FAR2: variants seen among roughly 807,000 people sequenced by gnomAD.
The protein encoded by FAR2 is fatty acyl-CoA reductase 2.
Under a neutral mutation model 56.0 loss-of-function variants are expected in FAR2, and 19 were observed. The ratio of observed to expected loss-of-function variants is 0.34; its 90% CI spans 0.24 to 0.50. The LOEUF is 0.50. Among genes scored for constraint, FAR2 ranks in the 20% least tolerant of loss-of-function variants. FAR2 has a pLI of 0.98. For synonymous variants in FAR2, 219 were observed against 218.8 expected (o/e 1.00, Z -0.01); for missense variants, 508 against 642.2 (o/e 0.79, Z 2.26).
chr12:29,245,056 C>G (rs1948104024), intron 1 of FAR2, among the ~76,000 whole-genome samples: 2 of 152,036 alleles, frequency 1.3e-5, no homozygotes, highest in African/African-American at 2.4e-5. Context: ...TCTTGGCTCA[C>G]TGCAACCTCC....
chr12:29,231,869 G>A lies in FAR2; in HGVS notation c.-38-38543G>A, dbSNP rs117179773. Among the ~76,000 whole-genome samples, 295 of 152,318 alleles carry A rather than the reference G, an allele frequency of 1.9e-3. 6 individuals carry two copies. In the South Asian group the frequency reaches 0.033, roughly 17 times the overall value. On this transcript the variant is annotated intron_variant, in intron 1 of 11. Transcript: ENST00000536681. Reference sequence around the variant, plus strand: ...AAAAAGAAACAATCCTCACCATCAAGAATCTCACTGTCATATAAGAGAGGT... The same window carrying A: ...AAAAAGAAACAATCCTCACCATCAAAAATCTCACTGTCATATAAGAGAGGT...
rs534240633 is a variant in FAR2 at position 29,315,544 on chromosome 12, T to C, written c.956-1297T>C. 2.6e-4 allele frequency among the ~76,000 whole-genome samples: 39 copies of C among 152,272 alleles called. No homozygotes were observed. In the South Asian group the frequency reaches 6.0e-3, roughly 23 times the overall value. On this transcript the variant is annotated intron_variant, in intron 8 of 11. Transcript: ENST00000536681. ...TCAGACTGTAGGAGTACAAGGGTAG[T>C]GGCAGAGACCATTTAGGACAGTACT...
At chr12:29,308,723 T>TAC (rs1949298374) in intron 5 of FAR2, among the ~76,000 whole-genome samples, 1 of 149,086 alleles carries the variant, frequency 6.7e-6, no homozygotes, top group Admixed American at 6.7e-5. Flanking sequence ...CACACACATA[T>TAC]ATATATATAT....
At chr12:29,265,559 C>T (rs1948500558) in intron 1 of FAR2, among the ~76,000 whole-genome samples, 1 of 152,072 alleles carries the variant, frequency 6.6e-6, no homozygotes, top group Admixed American at 6.6e-5. Context: ...TATAAGATCT[C>T]GAACTATGAA....
intron 2 of FAR2, among the ~76,000 whole-genome samples, chr12:29,290,994 A>C (rs924556534): frequency 2.0e-5 from 3 of 152,178 alleles, no homozygotes; most frequent in Admixed American, 1.3e-4. Flanking sequence ...TAAAGAGTAT[A>C]ATTGGATTGC....
chr12:29,293,287 A>G lies in FAR2; in HGVS notation c.190-13A>G, dbSNP rs765767057. ...TGCTATTTTTTGTATATTGATCTATATTTATGTTTCAGCTATTTGAGAAAG... is the reference window on the plus strand; with the variant it reads ...TGCTATTTTTTGTATATTGATCTATGTTTATGTTTCAGCTATTTGAGAAAG... On this transcript the variant is annotated splice_polypyrimidine_tract_variant and intron_variant, in intron 2 of 11. Transcript: ENST00000536681. 2.6e-6 allele frequency: 4 copies of G among 1,555,178 alleles called. No homozygotes were observed. The highest frequency in any genetic ancestry group is 3.5e-6 in the Non-Finnish European group (4 of 1,151,726).
chr12:29,234,712 A>G (rs1302927219), intron 1 of FAR2, among the ~76,000 whole-genome samples: 1 of 152,088 alleles, frequency 6.6e-6, no homozygotes, highest in Non-Finnish European at 1.5e-5. Context: ...GATTACAGCT[A>G]TTATCTCTGC....
intron 1 of FAR2, among the ~76,000 whole-genome samples, chr12:29,192,772 G>A (rs1950113135): frequency 6.6e-6 from 1 of 152,142 alleles, no homozygotes; most frequent in Admixed American, 6.5e-5. Flanking sequence ...CTGTGTAAGG[G>A]ATGAGGTCGA....
At chr12:29,278,607 C>G (rs1424430084) in intron 2 of FAR2, among the ~76,000 whole-genome samples, 1 of 152,052 alleles carries the variant, frequency 6.6e-6, no homozygotes, top group Non-Finnish European at 1.5e-5. Context: ...CTCAGCCTCC[C>G]AAAGTGCTGG....
intron 4 of FAR2, among the ~76,000 whole-genome samples, chr12:29,305,415 G>A (rs1949239831): frequency 6.6e-6 from 1 of 152,084 alleles, no homozygotes; most frequent in African/African-American, 2.4e-5. Flanking sequence ...TGAGATTACA[G>A]GTTTGAGTCA....
intron 1 of FAR2, among the ~76,000 whole-genome samples, chr12:29,264,819 T>C: frequency 6.6e-6 from 1 of 151,656 alleles, no homozygotes; most frequent in East Asian, 1.9e-4. Context: ...GATAAACAAA[T>C]TCAGTAAAGT....
intron 1 of FAR2, among the ~76,000 whole-genome samples, chr12:29,245,793 T>A (rs1334823522): frequency 7.2e-5 from 11 of 152,194 alleles, no homozygotes; most frequent in Admixed American, 6.5e-4. Flanking sequence ...CAGGAACTAA[T>A]TTCTACAGCC....
At chr12:29,236,358 G>A (rs76572685) in intron 1 of FAR2, among the ~76,000 whole-genome samples, 2,009 of 152,252 alleles carry the variant, frequency 0.013, 42 homozygotes, top group African/African-American at 0.046. Flanking sequence ...GGGGAACCAG[G>A]ATGTGGCTGA....
chr12:29,271,996 A>G (rs1948626513), intron 2 of FAR2, among the ~76,000 whole-genome samples: 1 of 152,224 alleles, frequency 6.6e-6, no homozygotes, highest in Non-Finnish European at 1.5e-5. Flanking sequence ...CTTCGGGATA[A>G]CTAATGGTTC....
chr12:29,221,849 A>C (rs1056936878), intron 1 of FAR2, among the ~76,000 whole-genome samples: 1 of 152,096 alleles, frequency 6.6e-6, no homozygotes, highest in Non-Finnish European at 1.5e-5. Flanking sequence ...AAATTTTCCA[A>C]ACTTGCTTTT....
intron 10 of FAR2, among the ~76,000 whole-genome samples, chr12:29,322,453 G>A (rs1045251787): frequency 4.6e-5 from 7 of 152,074 alleles, no homozygotes; most frequent in Non-Finnish European, 7.4e-5. Context: ...GTGCTGCATC[G>A]TCGATCTCCC....
chr12:29,303,608 C>A (rs1399399122), intron 4 of FAR2, among the ~76,000 whole-genome samples: 1 of 152,104 alleles, frequency 6.6e-6, no homozygotes. Flanking sequence ...CAGCAGTGGC[C>A]CTTATCACAG....
chr12:29,219,020 C>G (rs1947655379), intron 1 of FAR2, among the ~76,000 whole-genome samples: 1 of 152,110 alleles, frequency 6.6e-6, no homozygotes, highest in South Asian at 2.1e-4. Flanking sequence ...TCTTGAGTAG[C>G]TGGGACTACA....
rs1949775043 is a variant in FAR2, at chr12:29,334,818, T to C, written c.*1024T>C. 1 of 152,196 alleles carries C rather than the reference T, an allele frequency of 6.6e-6. No homozygotes were observed. The highest frequency in any genetic ancestry group is 2.4e-5 in the African/African-American group (1 of 41,458). The allele number at this position is 152,196 out of a possible 1,614,324, so 9.4% of individuals were successfully genotyped here. A position where few individuals can be genotyped will look rare whatever the true frequency, so the allele number is the denominator to read the frequency against. ...GTCATTCCAATTGCACAATGTTAAC[T>C]GTACAACACACAGCAGAAAAGTGAA... On this transcript the variant is annotated 3_prime_UTR_variant, in exon 12 of 12. Coordinates refer to ENST00000536681, the MANE Select transcript of FAR2 (RefSeq NM_001271783.2).
Sources: gnomAD v4.1 joint callset for allele counts (sites outside exome capture counted in the v4.1 genomes callset) on GRCh38, gnomAD v4.1.1 for gene constraint, MANE v1.5 for transcripts, NCBI Gene and HGNC (gene_info 2026-07-23, HGNC 2026-07-21) for gene names.